Variants in DCHS2 observed in about 807,000 individuals in gnomAD.
DCHS2 encodes dachsous cadherin-related 2.
In DCHS2, 142 loss-of-function variants were observed where a neutral mutation model predicts 182.4. The observed-to-expected ratio is 0.78, with a 90% CI of 0.68 to 0.89. The LOEUF (loss-of-function observed/expected upper bound fraction) is 0.89. DCHS2 is among the 40% of genes least tolerant of loss of function. The pLI is 0.00. For missense variants in DCHS2, 4,319 were observed against 4,198.6 expected, an observed-to-expected ratio of 1.03 and a Z score of -0.79; for synonymous variants, 1,740 against 1,663.3, an observed-to-expected ratio of 1.05 and a Z score of -1.12.
At position 154,242,558 on chromosome 4, in the gene DCHS2, G is replaced by C; in HGVS notation, c.7072+84C>G. On this transcript the variant is annotated intron_variant, in intron 17 of 19. Transcript: ENST00000357232. ...TTGGTTGTTGAGGATTAGCACTCATGTTAATACAGTGTCTGGCTAAAGAAA... is the reference window on the plus strand; with the variant it reads ...TTGGTTGTTGAGGATTAGCACTCATCTTAATACAGTGTCTGGCTAAAGAAA... 7 of 1,518,912 alleles carry C rather than the reference G, an allele frequency of 4.6e-6. No homozygotes were observed. The South Asian group carries it at 9.6e-5, about 21-fold the overall frequency. 94.1% of individuals were successfully genotyped at this position (1,518,912 alleles called of 1,614,324 possible).
chr4:154,346,755 T>A (rs1161873902), intron 3 of DCHS2, among the ~76,000 whole-genome samples: 1 of 151,906 alleles, frequency 6.6e-6, no homozygotes, highest in Non-Finnish European at 1.5e-5. Context: ...AGAAAAATAA[T>A]TCATAATTCC....
chr4:154,489,743 A>AGG lies in DCHS2; in HGVS notation c.1612_1613insCC (p.Leu538ProfsTer21). On this transcript the variant is annotated frameshift_variant, in exon 1 of 20. Coordinates refer to ENST00000357232, the MANE Select transcript of DCHS2 (RefSeq NM_001358235.2). LOFTEE classifies it high-confidence loss of function. ...GGCCTTGTAATGCTGTTGGCTGAAG[A>AGG]GAGGTGGTTGGTCATTGAGGTCAGC... 1 of 1,551,552 alleles carries AGG rather than the reference A, an allele frequency of 6.4e-7. No homozygotes were observed. The highest frequency in any genetic ancestry group is 1.2e-5 in the South Asian group (1 of 84,044).
At chr4:154,436,863 A>G (rs77291655) in intron 1 of DCHS2, among the ~76,000 whole-genome samples, 2,361 of 152,328 alleles carry the variant, frequency 0.015, 63 homozygotes, top group African/African-American at 0.052. Flanking sequence ...ATTTGAAAAC[A>G]AAGTATGTAA....
At chr4:154,251,958 G>A (rs1259305455) in intron 16 of DCHS2, among the ~76,000 whole-genome samples, 4 of 151,454 alleles carry the variant, frequency 2.6e-5, no homozygotes, top group African/African-American at 7.3e-5. Context: ...ATTTGTCATC[G>A]AATTTCCACT....
chr4:154,445,563 C>G (rs1449976610), intron 1 of DCHS2, among the ~76,000 whole-genome samples: 8 of 152,192 alleles, frequency 5.3e-5, no homozygotes, highest in Admixed American at 5.2e-4. Context: ...GATCCCAGTG[C>G]TTTGGGAGGC....
chr4:154,479,525 C>A (rs1304270020), intron 1 of DCHS2, among the ~76,000 whole-genome samples: 1 of 152,106 alleles, frequency 6.6e-6, no homozygotes, highest in Non-Finnish European at 1.5e-5. Context: ...GAGGTTAAAA[C>A]ACATTTAGAG....
chr4:154,453,445 T>G (rs1468010557), intron 1 of DCHS2, among the ~76,000 whole-genome samples: 1 of 152,068 alleles, frequency 6.6e-6, no homozygotes, highest in Non-Finnish European at 1.5e-5. Flanking sequence ...CTTCAGAGTA[T>G]CCAGCAGTTA....
At chr4:154,457,907 T>C (rs926050479) in intron 1 of DCHS2, among the ~76,000 whole-genome samples, 1 of 152,208 alleles carries the variant, frequency 6.6e-6, no homozygotes, top group Non-Finnish European at 1.5e-5. Flanking sequence ...CTGATCTGGA[T>C]AATCAGGACA....
intron 5 of DCHS2, among the ~76,000 whole-genome samples, chr4:154,330,202 A>G (rs557731277): frequency 3.9e-5 from 6 of 152,348 alleles, no homozygotes; most frequent in African/African-American, 1.4e-4. Context: ...CAAGCTATAC[A>G]TGACGACACA....
chr4:154,317,088 A>C (rs1236373445), intron 9 of DCHS2, among the ~76,000 whole-genome samples: 1 of 152,238 alleles, frequency 6.6e-6, no homozygotes, highest in Non-Finnish European at 1.5e-5. Flanking sequence ...AGCCACAAAA[A>C]ACTCACTGTC....
At chr4:154,481,140 A>G (rs575249485) in intron 1 of DCHS2, among the ~76,000 whole-genome samples, 3 of 152,306 alleles carry the variant, frequency 2.0e-5, no homozygotes, top group South Asian at 2.1e-4. Flanking sequence ...TTGGGATGGA[A>G]GCCCTGGGTA....
chr4:154,462,518 C>T (rs1468817825), intron 1 of DCHS2, among the ~76,000 whole-genome samples: 1 of 152,142 alleles, frequency 6.6e-6, no homozygotes. Context: ...TGACTCTATG[C>T]ACATGGACAG....
At chr4:154,398,583 T>C (rs1202002342) in intron 1 of DCHS2, among the ~76,000 whole-genome samples, 3 of 152,198 alleles carry the variant, frequency 2.0e-5, no homozygotes, top group Admixed American at 6.5e-5. Flanking sequence ...GCTTATGATA[T>C]AGAATAACTT....
At chr4:154,238,631 G>A (rs930048407) in intron 19 of DCHS2, among the ~76,000 whole-genome samples, 7 of 152,232 alleles carry the variant, frequency 4.6e-5, no homozygotes, top group Non-Finnish European at 7.4e-5. Flanking sequence ...AAAAGCCTTG[G>A]GAAGCATCAA....
At chr4:154,284,084 C>T (rs992164912) in intron 13 of DCHS2, among the ~76,000 whole-genome samples, 2 of 152,270 alleles carry the variant, frequency 1.3e-5, no homozygotes, top group South Asian at 4.1e-4. Flanking sequence ...AGTTACACTT[C>T]ACTTAAAGAA....
chr4:154,484,757 C>A (rs2111043642), intron 1 of DCHS2, among the ~76,000 whole-genome samples: 1 of 152,238 alleles, frequency 6.6e-6, no homozygotes, highest in South Asian at 2.1e-4. Context: ...GTGAGGGGAC[C>A]ATTAATAGAC....
At chr4:154,291,909 G>A (rs780835395) in intron 13 of DCHS2, among the ~76,000 whole-genome samples, 40 of 152,076 alleles carry the variant, frequency 2.6e-4, no homozygotes, top group South Asian at 4.1e-4. Context: ...GGTTCCTACC[G>A]TCAACAATAA....
At position 154,391,180 on chromosome 4, in the gene DCHS2, T is replaced by C. The variant is rs1471007991; in HGVS notation, c.2053-13736A>G. On this transcript the variant is annotated intron_variant, in intron 1 of 19. Transcript: ENST00000357232. ...TGTTCTTACCTCTGAGATTTCACAA[T>C]GGAATTTATTTTCACATACACCTCA... 2.5e-6 allele frequency: 4 copies of C among 1,612,766 alleles called. No individual in the cohort carries two copies. In the Admixed American group the frequency reaches 6.7e-5, roughly 27 times the overall value.
intron 15 of DCHS2, among the ~76,000 whole-genome samples, chr4:154,259,043 G>A (rs1732842246): frequency 1.3e-5 from 2 of 152,182 alleles, no homozygotes; most frequent in African/African-American, 2.4e-5. Flanking sequence ...GGGTTTTACA[G>A]CATGAACAAA....
Sources: gnomAD v4.1 joint callset for allele counts (sites outside exome capture counted in the v4.1 genomes callset) on GRCh38, gnomAD v4.1.1 for gene constraint, MANE v1.5 for transcripts, NCBI Gene and HGNC (gene_info 2026-07-23, HGNC 2026-07-21) for gene names.